Variants in PACS1 observed in about 807,000 individuals in gnomAD.
PACS1 encodes the protein phosphofurin acidic cluster sorting protein 1.
Under a neutral mutation model 115.0 loss-of-function variants are expected in PACS1, and 24 were observed. The ratio of observed to expected loss-of-function variants is 0.21; its 90% CI spans 0.15 to 0.29. The LOEUF is 0.29. Among genes scored for constraint, PACS1 ranks in the 10% least tolerant of loss-of-function variants. The probability of loss-of-function intolerance (pLI) is 1.00; values close to 1 mark genes in which losing one functional copy is unlikely to be tolerated. For synonymous variants in PACS1, 453 were observed against 504.5 expected (o/e 0.90, Z 1.37); for missense variants, 838 against 1,251.2 (o/e 0.67, Z 4.98).
chr11:66,241,042 CT>C (rs1267228011), intron 21 of PACS1: 1 of 156,412 alleles, frequency 6.4e-6, no homozygotes, highest in African/African-American at 2.4e-5. Flanking sequence ...CAGCTCGAGG[CT>C]CAGTTTGGCC....
chr11:66,169,449 G>T (rs932991621), intron 1 of PACS1, among the ~76,000 whole-genome samples: 21 of 149,886 alleles, frequency 1.4e-4, no homozygotes, highest in Non-Finnish European at 2.2e-4. Flanking sequence ...ACCCAGGCTG[G>T]AATGCAGTGG....
In PACS1 at chr11:66,233,154, T is replaced by C. The variant is rs1855634414; in HGVS notation, c.1838+88T>C. ...CTGACTTCTAAGCAATGATAGACCCTCCTGGCCTCATCAGACCAAGAATTT... is the reference window on the plus strand; with the variant it reads ...CTGACTTCTAAGCAATGATAGACCCCCCTGGCCTCATCAGACCAAGAATTT... On this transcript the variant is annotated intron_variant, in intron 15 of 23. Coordinates refer to ENST00000320580, the MANE Select transcript of PACS1 (RefSeq NM_018026.4). This position sits in a 1 kb window ranked among gnomAD's most constrained non-coding sequence, Gnocchi z 4.5. 6.0e-6 allele frequency: 6 copies of C among 1,004,128 alleles called. No homozygotes were observed. Among genetic ancestry groups the C allele is most frequent in the Non-Finnish European group, 9.1e-6 (6 of 657,118 alleles). 62.2% of individuals were successfully genotyped at this position (1,004,128 alleles called of 1,614,324 possible).
At chr11:66,219,396 C>G in intron 7 of PACS1, 1 of 403,880 alleles carries the variant, frequency 2.5e-6, no homozygotes, top group South Asian at 2.0e-5. Context: ...GCTGAGGTGC[C>G]CGCGCTGTGC....
chr11:66,109,274 G>A (rs748367308), intron 1 of PACS1, among the ~76,000 whole-genome samples: 4 of 152,144 alleles, frequency 2.6e-5, no homozygotes, highest in South Asian at 2.1e-4. Context: ...TGAGAAGGTC[G>A]CATATGGCCA....
chr11:66,215,053 C>T (rs1855168528), intron 4 of PACS1, among the ~76,000 whole-genome samples: 1 of 152,122 alleles, frequency 6.6e-6, no homozygotes, highest in Admixed American at 6.5e-5. Context: ...CTGCCTCAGC[C>T]TCCTGAGTAG....
chr11:66,127,358 C>T (rs934908266), intron 1 of PACS1, among the ~76,000 whole-genome samples: 8 of 152,114 alleles, frequency 5.3e-5, no homozygotes, highest in East Asian at 1.9e-4. Context: ...CTCTGTTTTC[C>T]GGTTGGGGAA....
At chr11:66,211,729 C>G (rs1256655062) in intron 4 of PACS1, among the ~76,000 whole-genome samples, 2 of 152,208 alleles carry the variant, frequency 1.3e-5, no homozygotes, top group Non-Finnish European at 2.9e-5. Flanking sequence ...TCTAAACTCC[C>G]TGCCACCATC....
intron 1 of PACS1, among the ~76,000 whole-genome samples, chr11:66,095,301 T>C (rs1184804623): frequency 2.0e-5 from 3 of 151,902 alleles, no homozygotes; most frequent in Non-Finnish European, 4.4e-5. Context: ...GAAAACCCCA[T>C]TGTCTCAGCC....
chr11:66,126,916 G>C (rs1015386634), intron 1 of PACS1, among the ~76,000 whole-genome samples: 11 of 152,210 alleles, frequency 7.2e-5, no homozygotes, highest in East Asian at 1.9e-4. Context: ...CACTGCTGCG[G>C]GTGGAGGAGC....
At position 66,136,329 on chromosome 11, in the gene PACS1, A is replaced by T. The variant is rs200174868; in HGVS notation, c.357-57157A>T. 8.4e-3 allele frequency among the ~76,000 whole-genome samples: 1,247 copies of T among 148,688 alleles called. 77 individuals are homozygous for T. The East Asian group carries it at 0.17, about 20-fold the overall frequency. ...GGACTGCCCAATCCCACTGTCACAC[A>T]CACACACACACACACACACACACAC... On this transcript the variant is annotated intron_variant, in intron 1 of 23. Transcript: ENST00000320580.
chr11:66,212,813 A>G (rs189940825), intron 4 of PACS1, among the ~76,000 whole-genome samples: 129 of 152,198 alleles, frequency 8.5e-4, no homozygotes, highest in Non-Finnish European at 1.6e-3. Context: ...GTGAATTTCT[A>G]ATCCCACCAT....
intron 2 of PACS1, among the ~76,000 whole-genome samples, chr11:66,195,546 T>G (rs959328417): frequency 2.0e-5 from 3 of 152,242 alleles, no homozygotes; most frequent in African/African-American, 7.2e-5. Flanking sequence ...TCCCTGCAGC[T>G]AAATGCTTTT....
At chr11:66,194,006 C>T (rs1258126107) in intron 2 of PACS1, among the ~76,000 whole-genome samples, 2 of 152,210 alleles carry the variant, frequency 1.3e-5, no homozygotes, top group East Asian at 1.9e-4. Context: ...CTCTGTCACC[C>T]AGGCTGGAGT....
chr11:66,190,784 C>T (rs899320708), intron 1 of PACS1, among the ~76,000 whole-genome samples: 8 of 152,138 alleles, frequency 5.3e-5, no homozygotes, highest in South Asian at 2.1e-4. Flanking sequence ...GAGAAACAGG[C>T]GGTACTGTGG....
At chr11:66,127,914 A>G (rs1266879022) in intron 1 of PACS1, among the ~76,000 whole-genome samples, 1 of 152,238 alleles carries the variant, frequency 6.6e-6, no homozygotes, top group Non-Finnish European at 1.5e-5. Context: ...CTGCTAAAGT[A>G]GACCCCGAGT....
chr11:66,089,125 G>C (rs906453975), intron 1 of PACS1, among the ~76,000 whole-genome samples: 5 of 152,138 alleles, frequency 3.3e-5, no homozygotes, highest in African/African-American at 1.2e-4. Context: ...CATGTGGGAA[G>C]CTAGTCATTT....
chr11:66,242,796 G>A, intron 22 of PACS1, 116 bp from the exon 23 acceptor site: 2 of 1,379,190 alleles, frequency 1.5e-6, no homozygotes, highest in East Asian at 2.3e-5. Flanking sequence ...GGGAGGAGGG[G>A]TTGGTTTGCA....
intron 1 of PACS1, chr11:66,120,961 C>G (rs1858424554): frequency 2.2e-6 from 1 of 454,642 alleles, no homozygotes; most frequent in Non-Finnish European, 4.4e-6. Context: ...TCTCTGCTTC[C>G]CACTGTGTGC....
At chr11:66,094,624 G>A (rs1181812416) in intron 1 of PACS1, among the ~76,000 whole-genome samples, 2 of 152,204 alleles carry the variant, frequency 1.3e-5, no homozygotes, top group Non-Finnish European at 2.9e-5. Flanking sequence ...GGTACAAGGA[G>A]GAACTGGTAC....
Sources: gnomAD v4.1 joint callset for allele counts (sites outside exome capture counted in the v4.1 genomes callset) on GRCh38, gnomAD v4.1.1 for gene constraint, Gnocchi (gnomAD v3.1) non-coding constraint, MANE v1.5 for transcripts, NCBI Gene and HGNC (gene_info 2026-07-23, HGNC 2026-07-21) for gene names.